Variants in DNAJC1 observed in about 807,000 individuals in gnomAD.
DNAJC1 encodes the protein dnaJ homolog subfamily C member 1.
DNAJC1 carries 58 observed loss-of-function variants against 76.6 expected under a neutral mutation model. That is an observed-to-expected ratio of 0.76 (90% confidence interval 0.61 to 0.94). The LOEUF is 0.94. Ranked by LOEUF, DNAJC1 falls within the 40% of genes least tolerant of loss-of-function variation. DNAJC1 has a pLI of 0.00. For synonymous variants in DNAJC1, 258 were observed against 267.9 expected, an observed-to-expected ratio of 0.96 and a Z score of 0.36; for missense variants, 689 against 677.3, an observed-to-expected ratio of 1.02 and a Z score of -0.19.
chr10:21,954,235 AAATT>A (rs1212993482), intron 1 of DNAJC1, among the ~76,000 whole-genome samples: 2 of 152,236 alleles, frequency 1.3e-5, no homozygotes, highest in African/African-American at 4.8e-5. Context: ...TGATGTGACT[AAATT>A]AAGTATTTTC....
chr10:21,779,984 A>T (rs946688781), intron 9 of DNAJC1, among the ~76,000 whole-genome samples: 1 of 152,220 alleles, frequency 6.6e-6, no homozygotes, highest in African/African-American at 2.4e-5. Context: ...CAACCAGAAG[A>T]AAGGGTATCA....
chr10:21,816,712 A>AT (rs1209535641), intron 8 of DNAJC1, among the ~76,000 whole-genome samples: 2 of 149,620 alleles, frequency 1.3e-5, no homozygotes, highest in Admixed American at 6.6e-5. Context: ...TGACCAGCTA[A>AT]TTTTTTGTAT....
chr10:21,874,276 T>C (rs1398788666), intron 8 of DNAJC1, among the ~76,000 whole-genome samples: 1 of 152,014 alleles, frequency 6.6e-6, no homozygotes, highest in Non-Finnish European at 1.5e-5. Context: ...TAGCCAAGCT[T>C]GGTGGCACAC....
intron 8 of DNAJC1, among the ~76,000 whole-genome samples, chr10:21,881,439 A>T (rs1383372924): frequency 6.6e-6 from 1 of 152,108 alleles, no homozygotes; most frequent in Non-Finnish European, 1.5e-5. Flanking sequence ...ATGTAAAGTG[A>T]TACACATGCA....
At chr10:21,952,483 C>A (rs758546988) in intron 1 of DNAJC1, among the ~76,000 whole-genome samples, 1 of 152,012 alleles carries the variant, frequency 6.6e-6, no homozygotes, top group Non-Finnish European at 1.5e-5. Flanking sequence ...GTCAGGCAGG[C>A]GTGGTGGCTC....
chr10:21,863,442 T>G (rs1410675502), intron 8 of DNAJC1, among the ~76,000 whole-genome samples: 1 of 151,968 alleles, frequency 6.6e-6, no homozygotes, highest in Non-Finnish European at 1.5e-5. Flanking sequence ...AAAACTCCCA[T>G]AAGAAGAAAT....
chr10:21,764,706 T>A (rs941037642), intron 10 of DNAJC1, among the ~76,000 whole-genome samples: 1 of 152,242 alleles, frequency 6.6e-6, no homozygotes, highest in Non-Finnish European at 1.5e-5. Flanking sequence ...GAAATACTTT[T>A]ATTTCAAAAT....
chr10:21,996,648 C>A (rs1048399713), intron 1 of DNAJC1, among the ~76,000 whole-genome samples: 1 of 152,082 alleles, frequency 6.6e-6, no homozygotes, highest in Non-Finnish European at 1.5e-5. Context: ...TAAGAGTGTT[C>A]TCATAATTAG....
intron 8 of DNAJC1, among the ~76,000 whole-genome samples, chr10:21,856,225 AACT>A (rs1219836759): frequency 6.6e-6 from 1 of 152,218 alleles, no homozygotes; most frequent in Non-Finnish European, 1.5e-5. Flanking sequence ...TCATGACTGC[AACT>A]ACTATTTTCA....
At chr10:21,808,936 A>C (rs1834923215) in intron 8 of DNAJC1, among the ~76,000 whole-genome samples, 1 of 152,232 alleles carries the variant, frequency 6.6e-6, no homozygotes, top group Admixed American at 6.5e-5. Context: ...ATAAATCTCC[A>C]TACTGAATAC....
At chr10:21,856,456 T>C (rs1835833789) in intron 8 of DNAJC1, among the ~76,000 whole-genome samples, 1 of 152,212 alleles carries the variant, frequency 6.6e-6, no homozygotes, top group Non-Finnish European at 1.5e-5. Context: ...AAATACTATA[T>C]AATGGTAATC....
chr10:21,757,146 T>C (rs527298995), intron 11 of DNAJC1, among the ~76,000 whole-genome samples: 1 of 152,250 alleles, frequency 6.6e-6, no homozygotes, highest in East Asian at 1.9e-4. Flanking sequence ...TCTTCTTCCG[T>C]GGGTCTGGCT....
At chr10:21,903,821 T>C (rs1354278215) in intron 7 of DNAJC1, among the ~76,000 whole-genome samples, 5 of 151,762 alleles carry the variant, frequency 3.3e-5, no homozygotes, top group African/African-American at 1.2e-4. Context: ...GGGTGGGGGG[T>C]TGGAAATCAG....
chr10:21,873,305 G>T (rs749242169), intron 8 of DNAJC1, among the ~76,000 whole-genome samples: 1 of 152,046 alleles, frequency 6.6e-6, no homozygotes, highest in African/African-American at 2.4e-5. Flanking sequence ...TCCTGCTACA[G>T]ACCCATATTA....
Position 21,929,121 on chromosome 10 carries a change from G to T in DNAJC1, c.243C>A (p.Ile81=), listed in dbSNP as rs541485243. 1 of 1,611,000 alleles carries T rather than the reference G, an allele frequency of 6.2e-7. No homozygotes were observed. Among genetic ancestry groups the T allele is most frequent in the South Asian group, 1.1e-5 (1 of 90,498 alleles). ...GTGAAAGCTTACGATATGCTTTTCT[G>T]ATGTCTGCAGATGATGCATCCTGGA... is the stretch of plus-strand genomic sequence containing the variant. ...GVQQDASSAD[I]RKAYRKLSLT... Residue 81 remains isoleucine, a synonymous_variant, in exon 2 of 12, where the codon ATC becomes ATA. Coordinates refer to ENST00000376980, the MANE Select transcript of DNAJC1 (RefSeq NM_022365.4).
intron 1 of DNAJC1, among the ~76,000 whole-genome samples, chr10:21,973,768 G>A (rs1838019882): frequency 6.6e-6 from 1 of 151,852 alleles, no homozygotes; most frequent in Non-Finnish European, 1.5e-5. Flanking sequence ...GAAAAAAGAA[G>A]TGTTAGAAAA....
chr10:21,876,672 G>A (rs375594373), intron 8 of DNAJC1, among the ~76,000 whole-genome samples: 3 of 152,150 alleles, frequency 2.0e-5, no homozygotes, highest in Admixed American at 6.5e-5. Context: ...GATTAAGACC[G>A]TGTGGTAGTA....
intron 8 of DNAJC1, among the ~76,000 whole-genome samples, chr10:21,813,208 C>CTATA (rs1564794825): frequency 2.9e-5 from 2 of 68,696 alleles, no homozygotes; most frequent in Non-Finnish European, 2.5e-5. Flanking sequence ...CTCTCTCTCT[C>CTATA]TCTCTCTCTC....
At chr10:21,796,492 CTATTTT>C (rs1834751753) in intron 9 of DNAJC1, among the ~76,000 whole-genome samples, 1 of 152,248 alleles carries the variant, frequency 6.6e-6, no homozygotes, top group African/African-American at 2.4e-5. Context: ...TCATATAATT[CTATTTT>C]TAACTTTTGT....
Sources: gnomAD v4.1 joint callset for allele counts (sites outside exome capture counted in the v4.1 genomes callset) on GRCh38, gnomAD v4.1.1 for gene constraint, MANE v1.5 for transcripts, NCBI Gene and HGNC (gene_info 2026-07-23, HGNC 2026-07-21) for gene names.